DLG2: variants seen among roughly 807,000 people sequenced by gnomAD.
DLG2 encodes the protein discs large MAGUK scaffold protein 2.
A neutral mutation model predicts 132.5 loss-of-function variants in DLG2; 45 were observed. That is an observed-to-expected ratio of 0.34 (90% CI 0.27 to 0.44). The LOEUF (loss-of-function observed/expected upper bound fraction) is 0.44. Among genes scored for constraint, DLG2 ranks in the 20% least tolerant of loss-of-function variants. The probability of loss-of-function intolerance (pLI) is 1.00; values close to 1 mark genes in which losing one functional copy is unlikely to be tolerated. For synonymous variants in DLG2, 424 were observed against 419.6 expected (o/e 1.01, Z -0.13); for missense variants, 1,045 against 1,196.9 (o/e 0.87, Z 1.87).
chr11:84,924,131 C>G (rs910863596), intron 6 of DLG2, among the ~76,000 whole-genome samples: 9 of 152,128 alleles, frequency 5.9e-5, no homozygotes, highest in Non-Finnish European at 1.2e-4. Flanking sequence ...TCCGTCAGAT[C>G]CTTCTATCTG....
At chr11:85,558,079 T>G (rs564230748) in intron 3 of DLG2, among the ~76,000 whole-genome samples, 1 of 151,948 alleles carries the variant, frequency 6.6e-6, no homozygotes, top group East Asian at 1.9e-4. Context: ...TCTAATATCC[T>G]GAATCTATAA....
chr11:83,689,937 AAT>A lies in DLG2; in HGVS notation c.1826-56614_1826-56613del, dbSNP rs1491433931. 3.5e-5 allele frequency among the ~76,000 whole-genome samples: 5 copies of A among 142,704 alleles called. No individual in the cohort carries two copies. The East Asian group carries it at 5.9e-4, about 17-fold the overall frequency. 93.6% of individuals were successfully genotyped at this position (142,704 alleles called of 152,430 possible). On this transcript the variant is annotated intron_variant, in intron 18 of 27. Coordinates refer to ENST00000376104, the MANE Select transcript of DLG2 (RefSeq NM_001142699.3). ...ATATTATATATTTACATAAATATAT[AAT>A]ATATATTATATATATTTATATAATA...
At chr11:85,470,027 T>C (rs925989162) in intron 3 of DLG2, among the ~76,000 whole-genome samples, 4 of 152,128 alleles carry the variant, frequency 2.6e-5, no homozygotes, top group Non-Finnish European at 5.9e-5. Flanking sequence ...TCTTCATTCT[T>C]ACTATTATCC....
At position 84,883,929 on chromosome 11, in the gene DLG2, T is replaced by C. The variant is rs143836253; in HGVS notation, c.357+227732A>G. 7.2e-4 allele frequency among the ~76,000 whole-genome samples: 109 copies of C among 151,196 alleles called. 1 individual carries two copies. The highest frequency in any genetic ancestry group is 2.4e-3 in the African/African-American group (101 of 41,526). On this transcript the variant is annotated intron_variant, in intron 6 of 27. Transcript: ENST00000376104. ...GTCCTTTTGGCAGGAAATTGTAAAG[T>C]GAACAGAAACATGGGTCCCATGAGA...
At chr11:84,689,319 G>A (rs1008111221) in intron 6 of DLG2, among the ~76,000 whole-genome samples, 1 of 151,724 alleles carries the variant, frequency 6.6e-6, no homozygotes, top group African/African-American at 2.4e-5. Flanking sequence ...ATGTAATAAA[G>A]CAAGACTCTA....
chr11:84,268,692 A>G (rs2097680032), intron 7 of DLG2, among the ~76,000 whole-genome samples: 1 of 151,354 alleles, frequency 6.6e-6, no homozygotes, highest in Admixed American at 6.6e-5. Flanking sequence ...TGATCTCCTG[A>G]CCTCGTGATC....
At chr11:85,561,553 G>T (rs2077247420) in intron 3 of DLG2, among the ~76,000 whole-genome samples, 1 of 151,472 alleles carries the variant, frequency 6.6e-6, no homozygotes, top group Non-Finnish European at 1.5e-5. Flanking sequence ...TTAAAAATCT[G>T]AAGTAATAGT....
chr11:85,207,356 T>C (rs1393581041), intron 4 of DLG2, among the ~76,000 whole-genome samples: 1 of 152,194 alleles, frequency 6.6e-6, no homozygotes, highest in Non-Finnish European at 1.5e-5. Context: ...ACACATATCA[T>C]CTACAACAAA....
chr11:85,016,238 G>A (rs965760181), intron 6 of DLG2, among the ~76,000 whole-genome samples: 1 of 152,096 alleles, frequency 6.6e-6, no homozygotes, highest in African/African-American at 2.4e-5. Context: ...GCCTCAGGTA[G>A]TAAGCTTTAC....
At chr11:83,829,358 G>A (rs1322015481) in intron 17 of DLG2, among the ~76,000 whole-genome samples, 2 of 151,862 alleles carry the variant, frequency 1.3e-5, no homozygotes, top group Non-Finnish European at 2.9e-5. Context: ...CACGATGCCT[G>A]GCTAATTTTT....
chr11:84,738,019 C>T (rs569200983), intron 6 of DLG2, among the ~76,000 whole-genome samples: 4 of 152,118 alleles, frequency 2.6e-5, no homozygotes, highest in African/African-American at 7.2e-5. Flanking sequence ...ATTTACAGTG[C>T]TTTTGGTAAC....
At chr11:85,531,595 A>C (rs1365308060) in intron 3 of DLG2, among the ~76,000 whole-genome samples, 2 of 152,170 alleles carry the variant, frequency 1.3e-5, no homozygotes, top group Non-Finnish European at 2.9e-5. Flanking sequence ...AAACTTGAGA[A>C]GGCTAGAAGG....
At chr11:84,502,218 CCTTCCTTCCTTCCT>C (rs1567803611) in intron 7 of DLG2, among the ~76,000 whole-genome samples, 440 of 11,640 alleles carry the variant, frequency 0.038, 105 homozygotes, top group Middle Eastern at 0.088. Flanking sequence ...TTCCTTCCTT[CCTTCCTTCCTTCCT>C]TCCTTCCTTC....
At position 84,567,170 on chromosome 11, in the gene DLG2, T is replaced by TGAAA. The variant is rs138303207; in HGVS notation, c.358-32443_358-32440dup. ...TTTAACTTAGCCACACAAGCGTTAT[T>TGAAA]GAAAGAATAGAAAGGAAGAATGGAA... On this transcript the variant is annotated intron_variant, in intron 6 of 27. Coordinates refer to ENST00000376104, the MANE Select transcript of DLG2 (RefSeq NM_001142699.3). Among the ~76,000 whole-genome samples, 420 of 152,114 alleles carry TGAAA rather than the reference T, an allele frequency of 2.8e-3. 3 individuals carry two copies. Among genetic ancestry groups the TGAAA allele is most frequent in the African/African-American group, 9.4e-3 (392 of 41,504 alleles).
chr11:85,256,589 C>G (rs2076676680), intron 4 of DLG2, among the ~76,000 whole-genome samples: 1 of 152,164 alleles, frequency 6.6e-6, no homozygotes, highest in African/African-American at 2.4e-5. Flanking sequence ...CCCCTAGACA[C>G]TACCATGGGG....
chr11:83,694,533 TC>T (rs1323620447), intron 18 of DLG2, among the ~76,000 whole-genome samples: 1 of 151,794 alleles, frequency 6.6e-6, no homozygotes, highest in African/African-American at 2.4e-5. Context: ...ATAGCTTCCC[TC>T]CCCCCAGCAC....
chr11:84,930,881 C>T (rs1291135719), intron 6 of DLG2, among the ~76,000 whole-genome samples: 2 of 152,162 alleles, frequency 1.3e-5, no homozygotes, highest in Non-Finnish European at 2.9e-5. Flanking sequence ...TTCCTTGACA[C>T]ACAACCTTTT....
intron 6 of DLG2, among the ~76,000 whole-genome samples, chr11:84,546,224 G>T (rs1315996458): frequency 6.6e-6 from 1 of 152,124 alleles, no homozygotes; most frequent in Admixed American, 6.5e-5. Context: ...CATCTCCCTG[G>T]TGCTGTCTCA....
At chr11:84,803,899 C>T (rs1374426422) in intron 6 of DLG2, among the ~76,000 whole-genome samples, 1 of 152,108 alleles carries the variant, frequency 6.6e-6, no homozygotes, top group Non-Finnish European at 1.5e-5. Flanking sequence ...TGCTTTATGT[C>T]TAGTATTTCC....
Sources: allele counts gnomAD v4.1 joint callset (sites outside exome capture counted in the v4.1 genomes callset), GRCh38; gene constraint gnomAD v4.1.1; transcripts MANE v1.5; gene names NCBI Gene and HGNC (gene_info 2026-07-23, HGNC 2026-07-21).